The following RGS22 variants were observed in gnomAD, a reference collection of about 807,000 sequenced individuals.
RGS22 encodes regulator of G-protein signaling 22.
Under a neutral mutation model 172.9 loss-of-function variants are expected in RGS22, and 148 were observed. The observed-to-expected ratio is 0.86, with a 90% confidence interval of 0.75 to 0.98. The LOEUF is 0.98. RGS22 is among the 50% of genes least tolerant of loss of function. The probability of loss-of-function intolerance (pLI) is 0.00; values close to 1 mark genes in which losing one functional copy is unlikely to be tolerated. For synonymous variants in RGS22, 458 were observed against 480.2 expected (o/e 0.95, Z 0.60); for missense variants, 1,347 against 1,440.8 (o/e 0.93, Z 1.05).
At chr8:100,083,830 C>CTTTTTTTTTTTTTTTTTTTTTTTTTTTT (rs59603032) in intron 3 of RGS22, among the ~76,000 whole-genome samples, 1 of 126,054 alleles carries the variant, frequency 7.9e-6, no homozygotes, top group African/African-American at 3.1e-5. Flanking sequence ...AATTTCTTTT[C>CTTTTTTTTTTTTTTTTTTTTTTTTTTTT]TTTTTTTTTT....
chr8:99,965,528 T>C, intron 23 of RGS22, 98 bp from the exon 24 acceptor site: 2 of 852,668 alleles, frequency 2.3e-6, no homozygotes, highest in Non-Finnish European at 3.7e-6. Flanking sequence ...GACATAATAT[T>C]TCATAGTGAG....
chr8:100,001,047 A>C (rs1814986796), intron 18 of RGS22, among the ~76,000 whole-genome samples: 1 of 151,580 alleles, frequency 6.6e-6, no homozygotes, highest in South Asian at 2.1e-4. Flanking sequence ...AAAAATGATA[A>C]ACTATACATT....
At chr8:100,030,118 G>A (rs1205343764) in intron 14 of RGS22, among the ~76,000 whole-genome samples, 2 of 152,180 alleles carry the variant, frequency 1.3e-5, no homozygotes, top group African/African-American at 4.8e-5. Flanking sequence ...AATCAATGGT[G>A]GACCACATAT....
chr8:100,062,114 A>T (rs1032017027), intron 9 of RGS22, among the ~76,000 whole-genome samples: 2 of 152,182 alleles, frequency 1.3e-5, no homozygotes, highest in African/African-American at 4.8e-5. Context: ...ACATGGATAC[A>T]CAGAGGGGAA....
In RGS22 at chr8:100,053,198, C is replaced by A. The variant is rs573926251; in HGVS notation, c.1515-222G>T. On this transcript the variant is annotated intron_variant, in intron 9 of 27. Transcript: ENST00000360863. ...TTGACTCATACAAAAAGGCAATATA[C>A]ATTGGGAAAAACATCATAAGTAAAA... Among the ~76,000 whole-genome samples, 3 of 152,172 alleles carry A rather than the reference C, an allele frequency of 2.0e-5. No homozygotes were observed. The South Asian group carries it at 6.2e-4, about 32-fold the overall frequency.
At chr8:100,105,754 C>A in intron 1 of RGS22, 143 bp downstream of exon 1, 1 of 678,798 alleles carries the variant, frequency 1.5e-6, no homozygotes. Flanking sequence ...TAAAATCCAA[C>A]AGGAGGGCAG....
intron 13 of RGS22, 109 bp downstream of exon 13, chr8:100,039,852 GA>G: frequency 1.7e-6 from 1 of 577,194 alleles, no homozygotes; most frequent in Non-Finnish European, 2.7e-6. Flanking sequence ...TCTTATCACA[GA>G]TGGGAATTTT....
At chr8:100,072,055 A>G (rs931597788) in intron 5 of RGS22, 90 bp downstream of exon 5, 7 of 744,132 alleles carry the variant, frequency 9.4e-6, no homozygotes, top group East Asian at 3.0e-5. Context: ...AAGATTTGCC[A>G]CACATGGTGG....
In RGS22 at chr8:100,020,009, T is replaced by G. The variant is rs541825226; in HGVS notation, c.2167-11440A>C. ...AAGCAATTCTCCTGCCTCAGCCTCCTGAGTAGCTGGAATTACAGGCACCTG... is the reference window on the plus strand; with the variant it reads ...AAGCAATTCTCCTGCCTCAGCCTCCGGAGTAGCTGGAATTACAGGCACCTG... On this transcript the variant is annotated intron_variant, in intron 14 of 27. Transcript: ENST00000360863. Among the ~76,000 whole-genome samples the G allele has an allele frequency of 1.4e-3, 216 of 151,878 alleles. 1 individual carries two copies. Among genetic ancestry groups the G allele is most frequent in the Non-Finnish European group, 2.3e-3 (156 of 67,988 alleles).
Position 100,002,191 on chromosome 8 carries a change from C to T in RGS22, c.2790+11G>A, listed in dbSNP as rs369743130. 1.1e-5 allele frequency: 17 copies of T among 1,526,532 alleles called. No individual in the cohort carries two copies. The highest frequency in any genetic ancestry group is 1.5e-5 in the Non-Finnish European group (17 of 1,141,798). 94.6% of individuals were successfully genotyped at this position (1,526,532 alleles called of 1,614,324 possible). ...AACATCAATTAAAAAAATAGGTTTGCATGTTGATACCTGGTTCTGCTGATA... is the reference window on the plus strand; with the variant it reads ...AACATCAATTAAAAAAATAGGTTTGTATGTTGATACCTGGTTCTGCTGATA... On this transcript the variant is annotated intron_variant, in intron 18 of 27. Transcript: ENST00000360863.
chr8:99,988,013 T>C (rs1813295172), intron 20 of RGS22, among the ~76,000 whole-genome samples: 1 of 151,332 alleles, frequency 6.6e-6, no homozygotes, highest in South Asian at 2.1e-4. Flanking sequence ...TATTAATATA[T>C]AATTCTCCTG....
At chr8:100,028,903 C>T (rs3133691) in intron 14 of RGS22, among the ~76,000 whole-genome samples, 2,921 of 152,236 alleles carry the variant, frequency 0.019, 90 homozygotes, top group East Asian at 0.11. Context: ...AATATAGCAA[C>T]GGTGATGATT....
At chr8:100,061,624 T>A (rs1810140145) in intron 9 of RGS22, among the ~76,000 whole-genome samples, 1 of 152,102 alleles carries the variant, frequency 6.6e-6, no homozygotes, top group African/African-American at 2.4e-5. Flanking sequence ...TCAGAATGGC[T>A]ATTAGTAAAA....
chr8:100,004,302 C>A (rs1359332847), intron 16 of RGS22: 2 of 237,938 alleles, frequency 8.4e-6, no homozygotes, highest in Admixed American at 6.5e-5. Context: ...TATTTTCATT[C>A]CATTCCCTTC....
intron 14 of RGS22, among the ~76,000 whole-genome samples, chr8:100,012,441 G>T (rs1453186948): frequency 6.6e-6 from 1 of 152,120 alleles, no homozygotes; most frequent in African/African-American, 2.4e-5. Context: ...AGCTGGCAGG[G>T]TGTGGTAGCT....
intron 11 of RGS22, chr8:100,046,389 CTA>C (rs1820720360): frequency 6.6e-6 from 1 of 151,662 alleles, no homozygotes; most frequent in African/African-American, 2.4e-5. Context: ...CAACTCATGA[CTA>C]TATGTCTTTT....
chr8:100,009,686 T>A (rs1816154952), intron 14 of RGS22, among the ~76,000 whole-genome samples: 1 of 152,226 alleles, frequency 6.6e-6, no homozygotes, highest in Admixed American at 6.5e-5. Flanking sequence ...TACTTAGAAT[T>A]TGAAACTGAT....
intron 13 of RGS22, among the ~76,000 whole-genome samples, chr8:100,039,573 A>C (rs946405209): frequency 1.3e-5 from 2 of 151,768 alleles, no homozygotes; most frequent in Non-Finnish European, 2.9e-5. Context: ...ATGGGGTTTC[A>C]CCATGTTGGC....
intron 4 of RGS22, among the ~76,000 whole-genome samples, chr8:100,075,910 T>A (rs573999300): frequency 3.9e-5 from 6 of 152,120 alleles, no homozygotes; most frequent in East Asian, 1.9e-4. Flanking sequence ...CTTTTTTTTT[T>A]AATCATAGCC....
Sources: allele counts gnomAD v4.1 joint callset (sites outside exome capture counted in the v4.1 genomes callset), GRCh38; gene constraint gnomAD v4.1.1; transcripts MANE v1.5; gene names NCBI Gene and HGNC (gene_info 2026-07-23, HGNC 2026-07-21).